Variants in MPZL1 observed in about 807,000 individuals in gnomAD.
The protein encoded by MPZL1 is myelin protein zero-like protein 1.
MPZL1 carries 16 observed loss-of-function variants against 29.3 expected under a neutral mutation model. That is an observed-to-expected ratio of 0.55 (90% CI 0.37 to 0.83). The LOEUF is 0.83. MPZL1 is among the 40% of genes least tolerant of loss of function. The probability of loss-of-function intolerance (pLI) is 0.00; values close to 1 mark genes in which losing one functional copy is unlikely to be tolerated. For synonymous variants in MPZL1, 143 were observed against 132.0 expected, an observed-to-expected ratio of 1.08 and a Z score of -0.57; for missense variants, 279 against 332.9, an observed-to-expected ratio of 0.84 and a Z score of 1.26.
At chr1:167,776,024 T>C in intron 4 of MPZL1, 40 bp from the exon 5 acceptor site, 1 of 1,340,276 alleles carries the variant, frequency 7.5e-7, no homozygotes, top group Non-Finnish European at 1.0e-6. Context: ...TTTATTATTA[T>C]TATTTTTTAC....
intron 5 of MPZL1, chr1:167,787,398 GGATT>G (rs1168901166): frequency 6.4e-6 from 1 of 155,942 alleles, no homozygotes; most frequent in African/African-American, 2.4e-5. Flanking sequence ...TTTCTTGCAT[GGATT>G]GATTATTCTG....
intron 1 of MPZL1, among the ~76,000 whole-genome samples, chr1:167,754,404 G>A (rs954268412): frequency 6.6e-6 from 1 of 152,198 alleles, no homozygotes; most frequent in African/African-American, 2.4e-5. Flanking sequence ...CACACTTGTG[G>A]GTGGTTATAT....
intron 1 of MPZL1, among the ~76,000 whole-genome samples, chr1:167,761,014 A>G (rs749349648): frequency 2.0e-5 from 3 of 152,178 alleles, no homozygotes; most frequent in African/African-American, 4.8e-5. Flanking sequence ...GTAACTTTCA[A>G]AGGTTTTAGA....
At chr1:167,740,731 A>G (rs376051100) in intron 1 of MPZL1, among the ~76,000 whole-genome samples, 25 of 152,324 alleles carry the variant, frequency 1.6e-4, no homozygotes, top group African/African-American at 4.1e-4. Context: ...TCAGACCTGC[A>G]TATCCGGTTA....
At chr1:167,739,479 G>A (rs1660471031) in intron 1 of MPZL1, among the ~76,000 whole-genome samples, 1 of 151,600 alleles carries the variant, frequency 6.6e-6, no homozygotes, top group African/African-American at 2.4e-5. Flanking sequence ...TTAATTGAAA[G>A]TTTTTAAGTA....
Position 167,733,127 on chromosome 1 carries a change from T to G in MPZL1, c.91+10885T>G, listed in dbSNP as rs563119317. On this transcript the variant is annotated intron_variant, in intron 1 of 5. Transcript: ENST00000359523. The stretch of plus-strand genomic sequence containing the variant: ...TGTTTATATAGATCAAGTAAGAATT[T>G]AGTAGGTTTCCTATCTATTTCACTT... Among the ~76,000 whole-genome samples, 12 of 152,354 alleles carry G rather than the reference T, an allele frequency of 7.9e-5. No homozygotes were observed. In the East Asian group the frequency reaches 2.3e-3, roughly 29 times the overall value.
intron 1 of MPZL1, among the ~76,000 whole-genome samples, chr1:167,762,469 T>C (rs1200772833): frequency 6.6e-6 from 1 of 151,990 alleles, no homozygotes; most frequent in Non-Finnish European, 1.5e-5. Flanking sequence ...AAAAGGAAAG[T>C]GATGTACAGA....
intron 1 of MPZL1, among the ~76,000 whole-genome samples, chr1:167,742,293 G>GA (rs960124881): frequency 3.3e-5 from 5 of 150,626 alleles, no homozygotes; most frequent in Non-Finnish European, 7.4e-5. Context: ...ACAAAAAAAA[G>GA]AAAAAAAAAT....
chr1:167,722,266 T>TGGGGCCGGGGAGTGGGGCCCCC, intron 1 of MPZL1, 24 bp downstream of exon 1: 1 of 1,235,736 alleles, frequency 8.1e-7, no homozygotes, highest in Non-Finnish European at 1.0e-6. Context: ...GGACCAGGGC[T>TGGGGCCGGGGAGTGGGGCCCCC]GGGGCCGGGG....
intron 2 of MPZL1, among the ~76,000 whole-genome samples, chr1:167,771,989 C>T (rs924852396): frequency 1.3e-5 from 2 of 151,924 alleles, no homozygotes; most frequent in Non-Finnish European, 2.9e-5. Context: ...CAGGCGTGGC[C>T]GCACGTGCCT....
intron 1 of MPZL1, among the ~76,000 whole-genome samples, chr1:167,734,978 G>C (rs1660347785): frequency 6.6e-6 from 1 of 152,178 alleles, no homozygotes; most frequent in Non-Finnish European, 1.5e-5. Context: ...TGGGAATTCA[G>C]TTTGTGCTGT....
intron 1 of MPZL1, among the ~76,000 whole-genome samples, chr1:167,749,557 A>G (rs1361088026): frequency 6.6e-6 from 1 of 152,248 alleles, no homozygotes; most frequent in African/African-American, 2.4e-5. Flanking sequence ...TAAGATTAGT[A>G]TGGCAAAACC....
rs75702586 is a variant in MPZL1, at chr1:167,735,129, G to C, written c.91+12887G>C. Among the ~76,000 whole-genome samples the C allele has an allele frequency of 2.0e-5, 3 of 152,274 alleles. No homozygotes were observed. The South Asian group carries it at 6.2e-4, about 32-fold the overall frequency. On this transcript the variant is annotated intron_variant, in intron 1 of 5. Coordinates refer to ENST00000359523, the MANE Select transcript of MPZL1 (RefSeq NM_003953.6). ...GCTCAAGCTGGGAATTTGAATCCCT[G>C]AGCTCATCCATTTCTTTTCTCACTT...
At chr1:167,747,148 C>T (rs368266923) in intron 1 of MPZL1, among the ~76,000 whole-genome samples, 14 of 152,158 alleles carry the variant, frequency 9.2e-5, no homozygotes, top group African/African-American at 3.4e-4. Flanking sequence ...AGCCCATAAG[C>T]GAATTGTTTT....
At chr1:167,771,812 C>T (rs1391602396) in intron 2 of MPZL1, among the ~76,000 whole-genome samples, 1 of 150,688 alleles carries the variant, frequency 6.6e-6, no homozygotes, top group African/African-American at 2.4e-5. Context: ...CGAGATCACA[C>T]CACTGCACTC....
chr1:167,740,433 A>T (rs190659258), intron 1 of MPZL1, among the ~76,000 whole-genome samples: 1 of 152,232 alleles, frequency 6.6e-6, no homozygotes, highest in Non-Finnish European at 1.5e-5. Flanking sequence ...GTTCTTCCCT[A>T]TAGCCACCTT....
chr1:167,731,498 G>A (rs1487920545), intron 1 of MPZL1, among the ~76,000 whole-genome samples: 6 of 148,840 alleles, frequency 4.0e-5, no homozygotes, highest in South Asian at 2.1e-4. Flanking sequence ...GTGCAGTGGC[G>A]CGATCTCGGC....
intron 1 of MPZL1, among the ~76,000 whole-genome samples, chr1:167,743,681 G>C (rs889221992): frequency 1.3e-5 from 2 of 151,848 alleles, no homozygotes; most frequent in African/African-American, 4.8e-5. Flanking sequence ...TTGTAGAAGG[G>C]GTTGAGTTCT....
At chr1:167,754,586 T>C (rs946864885) in intron 1 of MPZL1, among the ~76,000 whole-genome samples, 1 of 152,196 alleles carries the variant, frequency 6.6e-6, no homozygotes, top group Non-Finnish European at 1.5e-5. Context: ...AAAGTTCAGG[T>C]TCATGCATGT....
Sources: gnomAD v4.1 joint callset for allele counts (sites outside exome capture counted in the v4.1 genomes callset) on GRCh38, gnomAD v4.1.1 for gene constraint, MANE v1.5 for transcripts, NCBI Gene and HGNC (gene_info 2026-07-23, HGNC 2026-07-21) for gene names.